The following FBLN2 variants were observed in gnomAD, a reference collection of about 807,000 sequenced individuals.
FBLN2 encodes the protein fibulin-2.
FBLN2 carries 81 observed loss-of-function variants against 123.7 expected under a neutral mutation model. The ratio of observed to expected loss-of-function variants is 0.65; its 90% CI spans 0.55 to 0.79. The LOEUF (loss-of-function observed/expected upper bound fraction) is 0.79. Among genes scored for constraint, FBLN2 ranks in the 30% least tolerant of loss-of-function variants. FBLN2 has a pLI of 0.00. For missense variants in FBLN2, 1,603 were observed against 1,681.3 expected (o/e 0.95, Z 0.81); for synonymous variants, 699 against 701.4 (o/e 1.00, Z 0.05).
intron 17 of FBLN2, among the ~76,000 whole-genome samples, chr3:13,637,342 A>G (rs976088352): frequency 6.6e-6 from 1 of 152,214 alleles, no homozygotes; most frequent in Non-Finnish European, 1.5e-5. Context: ...TGCCATGCTA[A>G]ACTCACCCAT....
At chr3:13,586,559 G>A (rs1704509380) in intron 2 of FBLN2, among the ~76,000 whole-genome samples, 1 of 149,186 alleles carries the variant, frequency 6.7e-6, no homozygotes, top group Non-Finnish European at 1.5e-5. Flanking sequence ...GTGCAGTGGC[G>A]TGATCTTGGC....
chr3:13,616,471 G>A (rs59465444), intron 5 of FBLN2, among the ~76,000 whole-genome samples: 6,546 of 152,294 alleles, frequency 0.043, 191 homozygotes, highest in East Asian at 0.13. Flanking sequence ...AGGTCTGTCC[G>A]CCGCCTGCCT....
chr3:13,590,517 G>A (rs1704637176), intron 2 of FBLN2, among the ~76,000 whole-genome samples: 1 of 151,906 alleles, frequency 6.6e-6, no homozygotes, highest in Non-Finnish European at 1.5e-5. Flanking sequence ...GTAGAGACGG[G>A]GTTTTACCAT....
At chr3:13,618,869 T>A (rs372697570) in intron 6 of FBLN2, 35 bp from the exon 7 acceptor site, 203 of 1,552,328 alleles carry the variant, frequency 1.3e-4, no homozygotes, top group Non-Finnish European at 1.6e-4. Context: ...ACCTGAGACC[T>A]CCCTGCAACC....
chr3:13,600,210 G>T (rs1250773399), intron 2 of FBLN2, among the ~76,000 whole-genome samples: 1 of 152,002 alleles, frequency 6.6e-6, no homozygotes, highest in Non-Finnish European at 1.5e-5. Context: ...TGAGATGAGG[G>T]TACTCACTCA....
rs768336423 is a variant in FBLN2 at position 13,626,488 on chromosome 3, C to T, written c.2340C>T (p.Gly780=). 152 of 1,577,396 alleles carry T rather than the reference C, an allele frequency of 9.6e-5. No homozygotes were observed. Among genetic ancestry groups the T allele is most frequent in the Non-Finnish European group, 1.2e-4 (139 of 1,161,580 alleles). Residue 780 remains glycine, a synonymous_variant, in exon 10 of 18, where the codon GGC becomes GGT. Coordinates refer to ENST00000404922, the MANE Select transcript of FBLN2 (RefSeq NM_001004019.2). ...CVTDLHTCSR[G]EHCVNTLGSF... ...CGGACCTGCACACGTGCAGCCGGGG[C>T]GAGCACTGTGTGAACACACTGGGCT...
chr3:13,582,444 C>G (rs1345897652), intron 2 of FBLN2, among the ~76,000 whole-genome samples: 1 of 152,230 alleles, frequency 6.6e-6, no homozygotes, highest in Admixed American at 6.5e-5. Flanking sequence ...GGACCTCTGG[C>G]CTGCAGCATC....
At position 13,618,064 on chromosome 3, in the gene FBLN2, C is replaced by G. The variant is rs113933514; in HGVS notation, c.1730-12C>G. ...AAGCTGGCTCTGTCTTGAGCTCTAA[C>G]CCCTGTCCTAGTTTCAGAGGCAGAG... On this transcript the variant is annotated splice_polypyrimidine_tract_variant and intron_variant, in intron 5 of 17. Coordinates refer to ENST00000404922, the MANE Select transcript of FBLN2 (RefSeq NM_001004019.2). 58 of 1,612,126 alleles carry G rather than the reference C, an allele frequency of 3.6e-5. No homozygotes were observed. The African/African-American group carries it at 5.9e-4, about 16-fold the overall frequency.
intron 2 of FBLN2, among the ~76,000 whole-genome samples, chr3:13,573,016 C>A (rs551359409): frequency 2.9e-4 from 44 of 152,262 alleles, no homozygotes; most frequent in African/African-American, 1.0e-3. Context: ...ACAGGTTAAT[C>A]TGGGTGGATA....
chr3:13,631,810 GTC>G (rs1009151210), intron 16 of FBLN2, among the ~76,000 whole-genome samples: 1 of 152,194 alleles, frequency 6.6e-6, no homozygotes, highest in Non-Finnish European at 1.5e-5. Context: ...AGTGTCCCGA[GTC>G]TCTGCAGTGT....
At chr3:13,575,057 T>C (rs1334490880) in intron 2 of FBLN2, among the ~76,000 whole-genome samples, 1 of 152,202 alleles carries the variant, frequency 6.6e-6, no homozygotes, top group Non-Finnish European at 1.5e-5. Flanking sequence ...GTTGAAGATA[T>C]CAGCGGGTGG....
chr3:13,609,677 G>T, intron 4 of FBLN2, 35 bp downstream of exon 4: 4 of 1,530,136 alleles, frequency 2.6e-6, no homozygotes, highest in Admixed American at 2.1e-5. Context: ...GGCAGGGTGG[G>T]GTGGGGCGGG....
Position 13,571,504 on chromosome 3 carries a change from C to T in FBLN2, c.1149C>T (p.Pro383=), listed in dbSNP as rs373482195. Residue 383 remains proline (P), a synonymous_variant, in exon 2 of 18, where the codon CCC becomes CCT. Coordinates refer to ENST00000404922, the MANE Select transcript of FBLN2 (RefSeq NM_001004019.2). ...VPGSPRDPVK[P]SPHNILSTSL... is the part of the protein sequence containing the mutation. Reference sequence around the variant, plus strand: ...GCTCTCCCAGGGACCCAGTCAAGCCCAGCCCCCACAACATCCTGTCCACAT... The same window carrying T: ...GCTCTCCCAGGGACCCAGTCAAGCCTAGCCCCCACAACATCCTGTCCACAT... The T allele has an allele frequency of 1.9e-6, 3 of 1,613,552 alleles. No homozygotes were observed. Among genetic ancestry groups the T allele is most frequent in the African/African-American group, 2.7e-5 (2 of 74,932 alleles).
intron 1 of FBLN2, among the ~76,000 whole-genome samples, chr3:13,565,543 T>G (rs2125038513): frequency 6.6e-6 from 1 of 152,362 alleles, no homozygotes; most frequent in East Asian, 1.9e-4. Flanking sequence ...GGGTGATTGC[T>G]TGAGGCTAGG....
chr3:13,588,350 C>A (rs748202191), intron 2 of FBLN2, among the ~76,000 whole-genome samples: 1 of 152,208 alleles, frequency 6.6e-6, no homozygotes, highest in Non-Finnish European at 1.5e-5. Context: ...ATGACGACAC[C>A]ACCTAACCAC....
In FBLN2 at chr3:13,626,575, C is replaced by T. The variant is rs763727429; in HGVS notation, c.2427C>T (p.Cys809=). Reference sequence around the variant, plus strand: ...GCTATGCCCTCAAGGATGGCGAGTGCGAAGGTGAGAAGGGCCCAGAAGGAC... The same window carrying T: ...GCTATGCCCTCAAGGATGGCGAGTGTGAAGGTGAGAAGGGCCCAGAAGGAC... ...EPGYALKDGE[C]EDVDECAMGT... The change falls in exon 10 of 18, where the codon TGC becomes TGT. Residue 809 remains cysteine, a synonymous_variant. Transcript: ENST00000404922. The T allele has an allele frequency of 3.5e-5, 54 of 1,545,630 alleles. No individual in the cohort carries two copies. The South Asian group carries it at 3.7e-4, about 11-fold the overall frequency.
intron 17 of FBLN2, among the ~76,000 whole-genome samples, chr3:13,636,961 T>C (rs1429345411): frequency 6.6e-6 from 1 of 152,186 alleles, no homozygotes; most frequent in Non-Finnish European, 1.5e-5. Flanking sequence ...GGGCTGCCTG[T>C]CCGGGGTGCG....
intron 5 of FBLN2, among the ~76,000 whole-genome samples, chr3:13,615,925 T>A (rs1705585544): frequency 6.6e-6 from 1 of 152,162 alleles, no homozygotes; most frequent in Non-Finnish European, 1.5e-5. Context: ...ATGGCAGAAG[T>A]CTGTGCATAG....
intron 5 of FBLN2, among the ~76,000 whole-genome samples, chr3:13,614,466 G>T (rs1363939912): frequency 2.0e-5 from 3 of 151,970 alleles, no homozygotes; most frequent in Non-Finnish European, 4.4e-5. Flanking sequence ...TTATCAGTTT[G>T]CTCTTTTTCC....
Sources: allele counts gnomAD v4.1 joint callset (sites outside exome capture counted in the v4.1 genomes callset), GRCh38; gene constraint gnomAD v4.1.1; transcripts MANE v1.5; gene names NCBI Gene and HGNC (gene_info 2026-07-23, HGNC 2026-07-21).